NAALADL2: variants seen among roughly 807,000 people sequenced by gnomAD.
The protein encoded by NAALADL2 is inactive N-acetylated-alpha-linked acidic dipeptidase-like protein 2.
Under a neutral mutation model 87.2 loss-of-function variants are expected in NAALADL2, and 76 were observed. The ratio of observed to expected loss-of-function variants is 0.87; its 90% CI spans 0.72 to 1.05. The LOEUF (loss-of-function observed/expected upper bound fraction) is 1.05. Among genes scored for constraint, NAALADL2 ranks in the 50% least tolerant of loss-of-function variants. NAALADL2 has a pLI of 0.00. For missense variants in NAALADL2, 1,089 were observed against 945.8 expected (o/e 1.15, Z -1.99); for synonymous variants, 354 against 331.0 (o/e 1.07, Z -0.75).
Position 175,424,010 on chromosome 3 carries a change from C to T in NAALADL2, c.1091-23219C>T, listed in dbSNP as rs542192455. On this transcript the variant is annotated intron_variant, in intron 5 of 13. Transcript: ENST00000454872. The stretch of plus-strand genomic sequence containing the variant: ...GTGGTTTTGATTTGCATTTCTCTGA[C>T]GGCCAGTGATGATGAGCATTTTTTC... 1.6e-3 allele frequency among the ~76,000 whole-genome samples: 236 copies of T among 152,210 alleles called. 1 individual carries two copies. The highest frequency in any genetic ancestry group is 0.01 in the Middle Eastern group (3 of 294).
chr3:174,564,530 T>A (rs1201744297), intron 2 of NAALADL2, among the ~76,000 whole-genome samples: 1 of 152,170 alleles, frequency 6.6e-6, no homozygotes, highest in African/African-American at 2.4e-5. Flanking sequence ...TTTGTTAAAT[T>A]TATTGTTATA....
At chr3:175,793,084 G>A (rs1023993891) in intron 13 of NAALADL2, among the ~76,000 whole-genome samples, 4 of 152,116 alleles carry the variant, frequency 2.6e-5, no homozygotes, top group African/African-American at 9.7e-5. Context: ...TGCTTAATTA[G>A]GACTGTGTTA....
chr3:175,451,975 T>TAA (rs1233360630), intron 6 of NAALADL2, among the ~76,000 whole-genome samples: 1 of 152,176 alleles, frequency 6.6e-6, no homozygotes, highest in East Asian at 1.9e-4. Flanking sequence ...ATTACTAGCA[T>TAA]TTCTTGAGTA....
intron 11 of NAALADL2, among the ~76,000 whole-genome samples, chr3:175,652,572 G>A (rs201494043): frequency 1.4e-5 from 2 of 147,582 alleles, no homozygotes; most frequent in Non-Finnish European, 3.0e-5. Flanking sequence ...TCCGCCTCCC[G>A]GGTTCACGCC....
At chr3:174,491,823 G>A (rs1379205845) in intron 1 of NAALADL2, among the ~76,000 whole-genome samples, 2 of 152,106 alleles carry the variant, frequency 1.3e-5, no homozygotes, top group African/African-American at 2.4e-5. Flanking sequence ...ATTACATCCT[G>A]TAGTTAAATG....
chr3:174,959,938 A>G (rs1741731996), intron 1 of NAALADL2, among the ~76,000 whole-genome samples: 1 of 152,050 alleles, frequency 6.6e-6, no homozygotes, highest in Admixed American at 6.6e-5. Flanking sequence ...TCGAATTCTT[A>G]AAGTTAATTG....
intron 13 of NAALADL2, among the ~76,000 whole-genome samples, chr3:175,782,021 C>G (rs1432449199): frequency 6.6e-6 from 1 of 151,280 alleles, no homozygotes; most frequent in Non-Finnish European, 1.5e-5. Flanking sequence ...CATGTCCCTA[C>G]AAAGGACATG....
intron 12 of NAALADL2, among the ~76,000 whole-genome samples, chr3:175,738,950 T>G (rs1322925375): frequency 6.6e-6 from 1 of 152,214 alleles, no homozygotes; most frequent in Non-Finnish European, 1.5e-5. Flanking sequence ...ATTTTATTTA[T>G]TCTGTAAACT....
intron 5 of NAALADL2, among the ~76,000 whole-genome samples, chr3:175,426,356 C>G (rs997201118): frequency 3.3e-5 from 5 of 152,106 alleles, no homozygotes; most frequent in African/African-American, 1.2e-4. Context: ...GAGTGAGACT[C>G]TATCTCAAAA....
intron 1 of NAALADL2, among the ~76,000 whole-genome samples, chr3:175,017,457 T>C (rs73883306): frequency 0.014 from 2,099 of 152,208 alleles, 46 homozygotes; most frequent in African/African-American, 0.048. Context: ...TGGATGTCAG[T>C]ATAAACAGGG....
chr3:175,251,967 A>T (rs1447100949), intron 3 of NAALADL2, among the ~76,000 whole-genome samples: 3 of 152,260 alleles, frequency 2.0e-5, no homozygotes, highest in Non-Finnish European at 4.4e-5. Flanking sequence ...ATCCTCTTAC[A>T]TGCTAAAACA....
At chr3:175,029,463 C>T (rs910109201) in intron 1 of NAALADL2, among the ~76,000 whole-genome samples, 1 of 151,968 alleles carries the variant, frequency 6.6e-6, no homozygotes, top group African/African-American at 2.4e-5. Flanking sequence ...TCTCTCTGAT[C>T]CATCAGAGGG....
At chr3:174,541,889 G>A (rs1189244991) in intron 1 of NAALADL2, among the ~76,000 whole-genome samples, 1 of 145,210 alleles carries the variant, frequency 6.9e-6, no homozygotes, top group Non-Finnish European at 1.5e-5. Context: ...GAGTGAGTCA[G>A]TGGTGGAAGA....
intron 2 of NAALADL2, among the ~76,000 whole-genome samples, chr3:174,712,721 AAAG>A (rs1170137255): frequency 6.6e-6 from 1 of 152,096 alleles, no homozygotes; most frequent in African/African-American, 2.4e-5. Context: ...ATTTCATGTA[AAAG>A]AAGAAGATAT....
Position 174,965,900 on chromosome 3 carries a change from C to T in NAALADL2, c.43+106450C>T, listed in dbSNP as rs543173510. Among the ~76,000 whole-genome samples, 16 of 151,860 alleles carry T rather than the reference C, an allele frequency of 1.1e-4. No homozygotes were observed. In the East Asian group the frequency reaches 3.1e-3, roughly 29 times the overall value. On this transcript the variant is annotated intron_variant, in intron 1 of 13. Coordinates refer to ENST00000454872, the MANE Select transcript of NAALADL2 (RefSeq NM_207015.3). ...GAGAAGGAGAGGCAAGGAGAGGGGT[C>T]CTGGGGATTTGATGATAGAGGAAGT... is the stretch of plus-strand genomic sequence containing the variant.
intron 6 of NAALADL2, among the ~76,000 whole-genome samples, chr3:175,449,394 C>CTTCTTTTTTTTTTTTTTTTT (rs1212551637): frequency 4.1e-5 from 2 of 48,536 alleles, no homozygotes; most frequent in Non-Finnish European, 9.4e-5. Flanking sequence ...TAATTTTCTT[C>CTTCTTTTTTTTTTTTTTTTT]TTTTTTTTTT....
At chr3:174,788,661 G>C (rs1021882775) in intron 3 of NAALADL2, among the ~76,000 whole-genome samples, 5 of 152,094 alleles carry the variant, frequency 3.3e-5, no homozygotes, top group African/African-American at 9.7e-5. Flanking sequence ...GAGATACTAG[G>C]GGGTAGGGCT....
At chr3:174,855,114 C>A (rs888476083), upstream of NAALADL2, among the ~76,000 whole-genome samples, 1 of 152,154 alleles carries the variant, frequency 6.6e-6, no homozygotes, top group Non-Finnish European at 1.5e-5. Flanking sequence ...GCTAGGATTA[C>A]AGGCGTGAGT....
intron 3 of NAALADL2, among the ~76,000 whole-genome samples, chr3:175,244,534 G>T (rs1747592754): frequency 6.6e-6 from 1 of 151,924 alleles, no homozygotes. Flanking sequence ...CCCAACTGTT[G>T]TTCTTTCTTT....
Sources: gnomAD v4.1 joint callset for allele counts (sites outside exome capture counted in the v4.1 genomes callset) on GRCh38, gnomAD v4.1.1 for gene constraint, MANE v1.5 for transcripts, NCBI Gene and HGNC (gene_info 2026-07-23, HGNC 2026-07-21) for gene names.